Variants in ACVR1 observed in about 807,000 individuals in gnomAD.
ACVR1 encodes activin A receptor type 1, also known as activin receptor type-1.
A neutral mutation model predicts 57.1 loss-of-function variants in ACVR1; 38 were observed. The observed-to-expected ratio is 0.67, with a 90% CI of 0.51 to 0.87. The LOEUF (loss-of-function observed/expected upper bound fraction) is 0.87. Ranked by LOEUF, ACVR1 falls within the 40% of genes least tolerant of loss-of-function variation. ACVR1 has a pLI of 0.00. For synonymous variants in ACVR1, 212 were observed against 228.1 expected (o/e 0.93, Z 0.63); for missense variants, 463 against 638.2 (o/e 0.73, Z 2.96).
At chr2:157,788,213 G>A (rs536000429) in intron 3 of ACVR1, among the ~76,000 whole-genome samples, 1 of 152,260 alleles carries the variant, frequency 6.6e-6, no homozygotes, top group East Asian at 1.9e-4. Context: ...GACTACAGTA[G>A]TCCCCACTTA....
At chr2:157,740,184 C>CAA (rs34588062) in intron 9 of ACVR1, among the ~76,000 whole-genome samples, 9 of 128,480 alleles carry the variant, frequency 7.0e-5, no homozygotes, top group Admixed American at 8.3e-5. Flanking sequence ...GATTCTGTCT[C>CAA]AAAAAAAAAA....
chr2:157,864,922 A>G (rs557043570), intron 1 of ACVR1, among the ~76,000 whole-genome samples: 6 of 152,142 alleles, frequency 3.9e-5, no homozygotes, highest in African/African-American at 1.2e-4. Context: ...CCTGGTCACT[A>G]AATGCCTACT....
At position 157,737,045 on chromosome 2, in the gene ACVR1, T is replaced by C; in HGVS notation, c.*486A>G. 3.5e-6 allele frequency: 1 copy of C among 286,690 alleles called. No homozygotes were observed. Among genetic ancestry groups the C allele is most frequent in the East Asian group, 6.2e-5 (1 of 16,216 alleles). The allele number at this position is 286,690 out of a possible 1,614,324, so 17.8% of individuals were successfully genotyped here. ...CCAGTGGAGTACGCAGCCAACATTT[T>C]GGCAAGTTGGGTCTTTAAAATTAAG... On this transcript the variant is annotated 3_prime_UTR_variant, in exon 11 of 11. Transcript: ENST00000434821.
Position 157,799,448 on chromosome 2 carries a change from G to C in ACVR1, c.46C>G (p.Leu16Val). 4 of 1,612,070 alleles carry C rather than the reference G, an allele frequency of 2.5e-6. No individual in the cohort carries two copies. Among genetic ancestry groups the C allele is most frequent in the Non-Finnish European group, 2.5e-6 (3 of 1,178,812 alleles). Residue 16 changes from leucine to valine, a missense_variant, in exon 3 of 11, where the codon CTC (leucine) becomes GTC (valine). Leu to Val is a conservative substitution (Grantham distance 32). Around this residue, in one of 3 missense-constraint regions of ACVR1, gnomAD observed 203 missense variants for 235.5 expected, o/e 0.86. Transcript: ENST00000434821. ...TTACCTTCCATACTAGGGGAGGGGA[G>C]AGCAATCATGATAAGCACAGGAAGA... is the stretch of plus-strand genomic sequence containing the variant. ...MILPVLIMIALPSPSMEDEKP... is the reference protein window; with the variant it reads ...MILPVLIMIAVPSPSMEDEKP...
chr2:157,810,796 T>G (rs1257037095), intron 2 of ACVR1, among the ~76,000 whole-genome samples: 1 of 152,154 alleles, frequency 6.6e-6, no homozygotes, highest in Non-Finnish European at 1.5e-5. Flanking sequence ...CACCGAACAC[T>G]TTCTAGAACA....
chr2:157,855,846 CT>C (rs925652617), intron 1 of ACVR1, among the ~76,000 whole-genome samples: 14 of 151,948 alleles, frequency 9.2e-5, no homozygotes, highest in African/African-American at 2.9e-4. Flanking sequence ...CTGACTCATA[CT>C]TTTTTTTCCT....
rs1686468929 is a variant in ACVR1 at position 157,780,552 on chromosome 2, C to A, written c.116G>T (p.Gly39Val). Residue 39 changes from glycine (G) to valine (V), a missense_variant, in exon 4 of 11, where the codon GGT (glycine) becomes GTT (valine). Physicochemically the swap from Gly to Val is moderately radical, Grantham distance 109. Transcript: ENST00000434821. ...GTGGTCCTCATTACCGCAGGAGAGA[C>A]CTTCACACACACACATGTAGAGTTT... ...NPKLYMCVCE[G>V]LSCGNEDHCE... is the part of the protein sequence containing the mutation. 6.2e-7 allele frequency: 1 copy of A among 1,613,600 alleles called. No individual in the cohort carries two copies. Among genetic ancestry groups the A allele is most frequent in the Admixed American group, 1.7e-5 (1 of 59,940 alleles).
intron 2 of ACVR1, among the ~76,000 whole-genome samples, chr2:157,810,808 CA>C (rs2105320314): frequency 6.6e-6 from 1 of 152,318 alleles, no homozygotes; most frequent in African/African-American, 2.4e-5. Context: ...TCTAGAACAG[CA>C]ACTACACAGG....
intron 1 of ACVR1, among the ~76,000 whole-genome samples, chr2:157,858,775 A>T (rs1209637631): frequency 6.6e-6 from 1 of 152,066 alleles, no homozygotes; most frequent in Non-Finnish European, 1.5e-5. Flanking sequence ...GAGCCACTGC[A>T]CCTGGCCTAT....
At chr2:157,842,695 G>C (rs977629164) in intron 1 of ACVR1, among the ~76,000 whole-genome samples, 2 of 152,172 alleles carry the variant, frequency 1.3e-5, no homozygotes, top group African/African-American at 4.8e-5. Context: ...AAGGTTCAAA[G>C]ATGATGCAAT....
At chr2:157,860,339 A>G (rs1689678978) in intron 1 of ACVR1, among the ~76,000 whole-genome samples, 1 of 152,212 alleles carries the variant, frequency 6.6e-6, no homozygotes, top group African/African-American at 2.4e-5. Context: ...CTACTCAGGT[A>G]AGGCAAAGTG....
At chr2:157,850,873 C>A (rs1474294589) in intron 1 of ACVR1, among the ~76,000 whole-genome samples, 1 of 152,076 alleles carries the variant, frequency 6.6e-6, no homozygotes. Flanking sequence ...AGGAGAATTG[C>A]TTGAACCTGG....
chr2:157,807,372 T>C (rs572053299), intron 2 of ACVR1, among the ~76,000 whole-genome samples: 5 of 152,332 alleles, frequency 3.3e-5, no homozygotes, highest in Non-Finnish European at 4.4e-5. Context: ...AAACTAGGTG[T>C]TATTTCACCA....
At chr2:157,766,282 ATGTCATC>A in intron 7 of ACVR1, 86 bp from the exon 8 acceptor site, 1 of 1,378,922 alleles carries the variant, frequency 7.3e-7, no homozygotes, top group South Asian at 1.2e-5. Context: ...TACACAGTAA[ATGTCATC>A]TGTAACAAAA....
intron 2 of ACVR1, among the ~76,000 whole-genome samples, chr2:157,809,937 G>T (rs560321959): frequency 6.6e-6 from 1 of 152,070 alleles, no homozygotes; most frequent in Admixed American, 6.5e-5. Context: ...TTGGCCAAGC[G>T]TGTTGGTGTG....
At chr2:157,746,548 C>G (rs767576291) in intron 9 of ACVR1, among the ~76,000 whole-genome samples, 4 of 152,200 alleles carry the variant, frequency 2.6e-5, no homozygotes, top group Non-Finnish European at 4.4e-5. Flanking sequence ...TGTATCCAAC[C>G]AAATTGGTGT....
At chr2:157,767,433 G>A (rs925390694) in intron 7 of ACVR1, among the ~76,000 whole-genome samples, 5 of 152,088 alleles carry the variant, frequency 3.3e-5, no homozygotes, top group Admixed American at 2.6e-4. Flanking sequence ...AAATTGTGAC[G>A]TGTGCTTGCC....
chr2:157,861,765 TAA>T (rs1233941010), intron 1 of ACVR1, among the ~76,000 whole-genome samples: 3 of 152,220 alleles, frequency 2.0e-5, no homozygotes, highest in African/African-American at 7.2e-5. Flanking sequence ...GCATCATACT[TAA>T]GAGAGCATTT....
chr2:157,830,849 C>T (rs1209479524), intron 1 of ACVR1, among the ~76,000 whole-genome samples: 1 of 152,122 alleles, frequency 6.6e-6, no homozygotes, highest in African/African-American at 2.4e-5. Context: ...GGCCTGCTTC[C>T]AGATGTTGTC....
Sources: gnomAD v4.1 joint callset for allele counts (sites outside exome capture counted in the v4.1 genomes callset) on GRCh38, gnomAD v4.1.1 for gene constraint, gnomAD v4.1.1 regional missense constraint, MANE v1.5 for transcripts, NCBI Gene and HGNC (gene_info 2026-07-23, HGNC 2026-07-21) for gene names.